JADE2: variants seen among roughly 807,000 people sequenced by gnomAD.
The protein encoded by JADE2 is E3 ubiquitin-protein ligase Jade-2.
Under a neutral mutation model 85.7 loss-of-function variants are expected in JADE2, and 13 were observed. The ratio of observed to expected loss-of-function variants is 0.15; its 90% CI spans 0.10 to 0.24. JADE2 has a LOEUF of 0.24. JADE2 is among the 10% of genes least tolerant of loss of function. The pLI is 1.00. For missense variants in JADE2, 846 were observed against 1,115.9 expected, an observed-to-expected ratio of 0.76 and a Z score of 3.45; for synonymous variants, 440 against 456.1, an observed-to-expected ratio of 0.96 and a Z score of 0.45.
At chr5:134,557,221 GATT>G (rs199667134) in intron 4 of JADE2, among the ~76,000 whole-genome samples, 43 of 150,738 alleles carry the variant, frequency 2.9e-4, no homozygotes, top group African/African-American at 9.6e-4. Flanking sequence ...TGATGATGAT[GATT>G]ATTATTTTTT....
At chr5:134,565,279 T>A (rs1763569446) in intron 8 of JADE2, among the ~76,000 whole-genome samples, 1 of 152,218 alleles carries the variant, frequency 6.6e-6, no homozygotes, top group African/African-American at 2.4e-5. Flanking sequence ...CCTTCACCCA[T>A]CCACGGACCT....
Position 134,576,887 on chromosome 5 carries a change from G to A in JADE2, c.1672G>A (p.Gly558Arg). Residue 558 changes from glycine (G) to arginine (R), a missense_variant, in exon 11 of 12, where the codon GGG becomes AGG. Around this residue, in one of 9 missense-constraint regions of JADE2, gnomAD observed 119 missense variants for 163.9 expected, o/e 0.73. Coordinates refer to ENST00000681547, the MANE Select transcript of JADE2 (RefSeq NM_001388185.1). ...KVKAGPDSVLGQLAGLSTSFP... is the reference protein window; with the variant it reads ...KVKAGPDSVLRQLAGLSTSFP... ...GAAGGCGGGGCCTGACTCAGTCCTG[G>A]GGCAGCTGGGTGAGTGAGGGCCATG... 2 of 1,541,360 alleles carry A rather than the reference G, an allele frequency of 1.3e-6. No homozygotes were observed. Among genetic ancestry groups the A allele is most frequent in the Non-Finnish European group, 1.8e-6 (2 of 1,142,452 alleles).
rs772577491 is a variant in JADE2, at chr5:134,559,865, C to A, written c.347C>A (p.Ala116Glu). 1 of 1,612,744 alleles carries A rather than the reference C, an allele frequency of 6.2e-7. No individual in the cohort carries two copies. Among genetic ancestry groups the A allele is most frequent in the Admixed American group, 1.7e-5 (1 of 59,644 alleles). ...LPPLEGPPAQ[A>E]SPSSTMLGEG... is the part of the protein sequence containing the mutation. ...CCACTGGAAGGCCCCCCTGCCCAGG[C>A]ATCCCCGAGCAGCACCATGCTTGGT... The change falls in exon 5 of 12, where the codon GCA becomes GAA. Residue 116 changes from alanine to glutamate, a missense_variant. By Grantham distance (107) the Ala-to-Glu change is moderately radical. Around this residue, in one of 9 missense-constraint regions of JADE2, gnomAD observed 78 missense variants for 64.9 expected, o/e 1.20. Transcript: ENST00000681547.
At chr5:134,544,121 T>G (rs951089272) in intron 3 of JADE2, among the ~76,000 whole-genome samples, 3 of 152,204 alleles carry the variant, frequency 2.0e-5, no homozygotes, top group Non-Finnish European at 2.9e-5. Context: ...CAGGCTGTCT[T>G]GAGGTAGAAA....
Position 134,562,370 on chromosome 5 carries a change from G to A in JADE2, c.852+3G>A. ...GCTGTGCCCTATGGATTCCTGAGGT[G>A]GGTGAGCGTGGAGGTGAGGCAGCCC... is the stretch of plus-strand genomic sequence containing the variant. On this transcript the variant is annotated splice_donor_region_variant and intron_variant, in intron 7 of 11. Coordinates refer to ENST00000681547, the MANE Select transcript of JADE2 (RefSeq NM_001388185.1). The surrounding 1 kb of genome is among the most constrained non-coding windows in gnomAD (Gnocchi z 4.6). The A allele has an allele frequency of 6.2e-7, 1 of 1,607,924 alleles. No individual in the cohort carries two copies. Among genetic ancestry groups the A allele is most frequent in the Non-Finnish European group, 8.5e-7 (1 of 1,175,636 alleles).
intron 1 of JADE2, 90 bp downstream of exon 1, chr5:134,526,101 C>T: frequency 1.0e-6 from 1 of 984,786 alleles, no homozygotes; most frequent in African/African-American, 1.7e-5. Context: ...CTCTTCGCTC[C>T]CTCGCTCTCT....
intron 3 of JADE2, among the ~76,000 whole-genome samples, chr5:134,548,367 G>A (rs566144221): frequency 2.0e-5 from 3 of 152,282 alleles, no homozygotes; most frequent in South Asian, 4.1e-4. Context: ...TAATTAACCC[G>A]AGTCCCAGGT....
At position 134,559,848 on chromosome 5, in the gene JADE2, A is replaced by G; in HGVS notation, c.330A>G (p.Glu110=). 1 of 1,610,392 alleles carries G rather than the reference A, an allele frequency of 6.2e-7. No individual in the cohort carries two copies. Among genetic ancestry groups the G allele is most frequent in the African/African-American group, 1.3e-5 (1 of 74,868 alleles). The change falls in exon 5 of 12, where the codon GAA becomes GAG. Residue 110 remains glutamate (E), a synonymous_variant. Transcript: ENST00000681547. ...EPVVRILPPL[E]GPPAQASPSS... ...TTTCTAGGATCCTCCCACCACTGGAAGGCCCCCCTGCCCAGGCATCCCCGA... is the reference window on the plus strand; with the variant it reads ...TTTCTAGGATCCTCCCACCACTGGAGGGCCCCCCTGCCCAGGCATCCCCGA...
chr5:134,556,951 AC>A (rs1762983899), intron 4 of JADE2, among the ~76,000 whole-genome samples: 1 of 140,704 alleles, frequency 7.1e-6, no homozygotes, highest in Non-Finnish European at 1.6e-5. Flanking sequence ...ATACACACAC[AC>A]CACACACACA....
chr5:134,552,242 G>A lies in JADE2; in HGVS notation c.311+33G>A, dbSNP rs142709008. The A allele has an allele frequency of 2.4e-3, 3,797 of 1,592,186 alleles. 9 individuals are homozygous for A. Among genetic ancestry groups the A allele is most frequent in the Non-Finnish European group, 3.0e-3 (3,475 of 1,168,858 alleles). ...AGGCAGCCCAGGCTAGGGGGCCATTGGGACAGGGGAGGAAGGGGAGGCTGC... is the reference window on the plus strand; with the variant it reads ...AGGCAGCCCAGGCTAGGGGGCCATTAGGACAGGGGAGGAAGGGGAGGCTGC... On this transcript the variant is annotated intron_variant, in intron 4 of 11. Transcript: ENST00000681547.
intron 10 of JADE2, chr5:134,573,977 G>T (rs1324657230): frequency 1.6e-6 from 1 of 640,932 alleles, no homozygotes; most frequent in East Asian, 2.8e-5. Context: ...AGAGCCAGAG[G>T]TTGGAATGTG....
chr5:134,550,216 A>T (rs893473336), intron 3 of JADE2, among the ~76,000 whole-genome samples: 11 of 152,190 alleles, frequency 7.2e-5, no homozygotes, highest in African/African-American at 2.7e-4. Flanking sequence ...TAGTCCTAAC[A>T]ATTAAATTAT....
chr5:134,525,599 A>ACC, upstream of JADE2: 1 of 36,166 alleles, frequency 2.8e-5, no homozygotes, highest in Non-Finnish European at 5.5e-5. Context: ...GCCCGCCCCC[A>ACC]CCCCACCCCC....
At chr5:134,546,851 A>G (rs953049434) in intron 3 of JADE2, among the ~76,000 whole-genome samples, 1 of 152,204 alleles carries the variant, frequency 6.6e-6, no homozygotes, top group African/African-American at 2.4e-5. Context: ...CTCTTAAGTA[A>G]CTAAATTTCC....
intron 2 of JADE2, among the ~76,000 whole-genome samples, chr5:134,537,161 TGA>T (rs1227286370): frequency 1.3e-5 from 2 of 152,206 alleles, no homozygotes; most frequent in African/African-American, 4.8e-5. Context: ...AGGAGCCCTT[TGA>T]GAGAGCCAGG....
rs1372875253 is a variant in JADE2 at position 134,576,826 on chromosome 5, G to A, written c.1611G>A (p.Glu537=). 1.3e-6 allele frequency: 2 copies of A among 1,550,612 alleles called. No homozygotes were observed. The highest frequency in any genetic ancestry group is 4.9e-5 in the East Asian group (2 of 40,918). Residue 537 remains glutamate (E), a synonymous_variant, in exon 11 of 12, where the codon GAG becomes GAA. Coordinates refer to ENST00000681547, the MANE Select transcript of JADE2 (RefSeq NM_001388185.1). ...KKSDSKRKGC[E]GSKGSTEKKE... ...GTGACTCGAAGAGGAAGGGCTGCGA[G>A]GGCTCCAAGGGCAGCACTGAGAAGA...
At chr5:134,535,098 C>G (rs60058245) in intron 1 of JADE2, among the ~76,000 whole-genome samples, 2,945 of 152,288 alleles carry the variant, frequency 0.019, 88 homozygotes, top group African/African-American at 0.067. Flanking sequence ...TGGTTAGGAA[C>G]AGGAGATGAT....
intron 3 of JADE2, among the ~76,000 whole-genome samples, chr5:134,542,013 T>A (rs1275095476): frequency 6.6e-6 from 1 of 152,244 alleles, no homozygotes; most frequent in Non-Finnish European, 1.5e-5. Context: ...GCCTCCGAGC[T>A]GAGAGCTGAA....
intron 4 of JADE2, among the ~76,000 whole-genome samples, chr5:134,552,987 C>T (rs1379363938): frequency 6.4e-5 from 4 of 62,394 alleles, no homozygotes; most frequent in Admixed American, 2.6e-4. Context: ...TGGGCCTGGC[C>T]TTTTTTTTTT....
Sources: gnomAD v4.1 joint callset for allele counts (sites outside exome capture counted in the v4.1 genomes callset) on GRCh38, gnomAD v4.1.1 for gene constraint, gnomAD v4.1.1 regional missense constraint, Gnocchi (gnomAD v3.1) non-coding constraint, MANE v1.5 for transcripts, NCBI Gene and HGNC (gene_info 2026-07-23, HGNC 2026-07-21) for gene names.